Variants in PRPF18 observed in about 807,000 individuals in gnomAD.
The protein encoded by PRPF18 is pre-mRNA processing factor 18.
In PRPF18, 38 loss-of-function variants were observed where a neutral mutation model predicts 46.5. The ratio of observed to expected loss-of-function variants is 0.82; its 90% confidence interval spans 0.63 to 1.07. PRPF18 has a LOEUF of 1.07. Ranked by LOEUF, PRPF18 falls within the 50% of genes least tolerant of loss-of-function variation. The pLI, the probability that PRPF18 is intolerant of heterozygous loss-of-function variation, is 0.00. For missense variants in PRPF18, 263 were observed against 410.0 expected (o/e 0.64, Z 3.10); for synonymous variants, 152 against 146.7 (o/e 1.04, Z -0.26).
At position 13,610,278 on chromosome 10, in the gene PRPF18, A is replaced by G. The variant is rs1361158814; in HGVS notation, c.510+93A>G. The G allele has an allele frequency of 8.1e-6, 11 of 1,355,646 alleles. No homozygotes were observed. The African/African-American group carries it at 1.5e-4, about 18-fold the overall frequency. The allele number at this position is 1,355,646 out of a possible 1,614,324, so 84.0% of individuals were successfully genotyped here. On this transcript the variant is annotated intron_variant, in intron 5 of 9. Transcript: ENST00000378572. ...TCGGGCAGATTGTTGAGGGCAGAGC[A>G]CACTGTTGTCCTTGGTCTTTTGTTT... is the stretch of plus-strand genomic sequence containing the variant.
intron 2 of PRPF18, 130 bp from the exon 3 acceptor site, chr10:13,600,114 T>C: frequency 1.5e-6 from 1 of 688,742 alleles, no homozygotes; most frequent in East Asian, 2.9e-5. Context: ...TGTGAGCTCT[T>C]TGCTCAGAGG....
the PRPF18 span, chr10:13,644,457 A>G: frequency 6.6e-6 from 1 of 152,224 alleles, no homozygotes; most frequent in Non-Finnish European, 1.5e-5. Flanking sequence ...GTTTTACTTA[A>G]TCTCTGTCTT....
intron 3 of PRPF18, among the ~76,000 whole-genome samples, chr10:13,602,744 A>AT: frequency 6.6e-6 from 1 of 152,128 alleles, no homozygotes; most frequent in East Asian, 1.9e-4. Flanking sequence ...TTACTTTTCG[A>AT]TTTTTTGAGA....
chr10:13,604,882 G>C (rs1284057618), intron 3 of PRPF18, among the ~76,000 whole-genome samples: 4 of 152,132 alleles, frequency 2.6e-5, no homozygotes, highest in African/African-American at 9.7e-5. Flanking sequence ...GTTTTTAAAA[G>C]AAGACTAAGA....
the PRPF18 span, chr10:13,643,931 C>T: frequency 6.6e-6 from 1 of 152,588 alleles, no homozygotes; most frequent in Non-Finnish European, 1.5e-5. Flanking sequence ...GCAACCTAAT[C>T]TTTTTTCCCC....
intron 9 of PRPF18, among the ~76,000 whole-genome samples, chr10:13,620,272 T>G (rs767903118): frequency 6.6e-6 from 1 of 152,184 alleles, no homozygotes; most frequent in Non-Finnish European, 1.5e-5. Context: ...AGTAAAACCA[T>G]GTAGAAAAGA....
the PRPF18 span, chr10:13,651,723 T>C: frequency 4.9e-6 from 3 of 609,040 alleles, no homozygotes; most frequent in Non-Finnish European, 5.9e-6. Flanking sequence ...GTTAGGAATA[T>C]CATAATTTTG....
the PRPF18 span, chr10:13,654,551 G>A: frequency 1.2e-5 from 16 of 1,334,620 alleles, no homozygotes; most frequent in East Asian, 3.4e-4. Flanking sequence ...AGAGCAGACA[G>A]GGATCAGACA....
chr10:13,628,284 T>G (rs73580245), intron 9 of PRPF18, among the ~76,000 whole-genome samples: 2 of 152,236 alleles, frequency 1.3e-5, no homozygotes, highest in Non-Finnish European at 2.9e-5. Context: ...ACAGTCTTGT[T>G]TCTCTGATGT....
chr10:13,638,304 T>TC, the PRPF18 span, among the ~76,000 whole-genome samples: 6 of 150,648 alleles, frequency 4.0e-5, no homozygotes, highest in African/African-American at 1.5e-4. Context: ...CTTTTCTTTT[T>TC]TTTTTTTTTT....
At chr10:13,616,834 G>T (rs779321929) in intron 9 of PRPF18, among the ~76,000 whole-genome samples, 1 of 151,490 alleles carries the variant, frequency 6.6e-6, no homozygotes, top group Non-Finnish European at 1.5e-5. Context: ...TTTTTAAGAC[G>T]TGTATTAGGA....
Position 13,587,007 on chromosome 10 carries a change from TG to T in PRPF18, c.-77del. 2 of 1,423,234 alleles carry T rather than the reference TG, an allele frequency of 1.4e-6. No individual in the cohort carries two copies. Among genetic ancestry groups the T allele is most frequent in the South Asian group, 2.3e-5 (2 of 87,180 alleles). 88.2% of individuals were successfully genotyped at this position (1,423,234 alleles called of 1,614,324 possible). On this transcript the variant is annotated 5_prime_UTR_variant, in exon 1 of 10. Coordinates refer to ENST00000378572, the MANE Select transcript of PRPF18 (RefSeq NM_003675.4). ...TGGGCTTGTTGTTCCGTATACTCAGTGGGTTCGCGGCCGCCGGCCCAGTGAG... is the reference window on the plus strand; with the variant it reads ...TGGGCTTGTTGTTCCGTATACTCAGTGGTTCGCGGCCGCCGGCCCAGTGAG...
chr10:13,651,839 C>G, the PRPF18 span: 17,775 of 832,364 alleles, frequency 0.021, 907 homozygotes, highest in African/African-American at 0.14. Flanking sequence ...ATGACATGGA[C>G]AAAAGCAACA....
the PRPF18 span, chr10:13,646,963 C>G: frequency 1.0e-6 from 1 of 983,686 alleles, no homozygotes; most frequent in East Asian, 1.1e-4. Context: ...TGGCTTTTTC[C>G]TGCCCGTACC....
intron 2 of PRPF18, 101 bp downstream of exon 2, chr10:13,597,636 A>G: frequency 1.2e-6 from 2 of 1,604,946 alleles, no homozygotes; most frequent in Non-Finnish European, 1.7e-6. Context: ...ATTTATCAAT[A>G]TACGTTAGCC....
intron 6 of PRPF18, among the ~76,000 whole-genome samples, chr10:13,612,831 A>G (rs1307005402): frequency 6.6e-6 from 1 of 151,950 alleles, no homozygotes. Flanking sequence ...CAGTTCTACA[A>G]ATAGCTGCCT....
intron 9 of PRPF18, among the ~76,000 whole-genome samples, chr10:13,626,126 G>A (rs577227118): frequency 9.9e-5 from 15 of 152,200 alleles, no homozygotes; most frequent in Non-Finnish European, 2.1e-4. Flanking sequence ...CTCTACCTGA[G>A]GATGTCCTCC....
intron 9 of PRPF18, among the ~76,000 whole-genome samples, chr10:13,623,002 T>C (rs957278731): frequency 1.3e-5 from 2 of 152,046 alleles, no homozygotes; most frequent in Admixed American, 1.3e-4. Flanking sequence ...ATGGAGACCA[T>C]CCTGGCTAAC....
chr10:13,587,308 C>T, intron 1 of PRPF18, 156 bp downstream of exon 1: 3 of 749,340 alleles, frequency 4.0e-6, no homozygotes, highest in Non-Finnish European at 4.5e-6. Flanking sequence ...TTAGATCCAA[C>T]CCTTGGCGTC....
Sources: allele counts gnomAD v4.1 joint callset (sites outside exome capture counted in the v4.1 genomes callset), GRCh38; gene constraint gnomAD v4.1.1; transcripts MANE v1.5; gene names NCBI Gene and HGNC (gene_info 2026-07-23, HGNC 2026-07-21).